The following DPP4 variants were observed in gnomAD, a reference collection of about 807,000 sequenced individuals.
The protein encoded by DPP4 is dipeptidyl peptidase 4.
A neutral mutation model predicts 122.4 loss-of-function variants in DPP4; 93 were observed. The ratio of observed to expected loss-of-function variants is 0.76; its 90% CI spans 0.64 to 0.90. DPP4 has a LOEUF of 0.90. Among genes scored for constraint, DPP4 ranks in the 40% least tolerant of loss-of-function variants. The pLI, the probability that DPP4 is intolerant of heterozygous loss-of-function variation, is 0.00. For missense variants in DPP4, 914 were observed against 907.3 expected, an observed-to-expected ratio of 1.01 and a Z score of -0.09; for synonymous variants, 321 against 302.9, an observed-to-expected ratio of 1.06 and a Z score of -0.62.
At chr2:162,057,924 C>T (rs1263364156) in intron 2 of DPP4, among the ~76,000 whole-genome samples, 2 of 152,136 alleles carry the variant, frequency 1.3e-5, no homozygotes, top group Admixed American at 6.5e-5. Flanking sequence ...AGGCATGTGC[C>T]ACCACACCCA....
intron 16 of DPP4, among the ~76,000 whole-genome samples, chr2:162,018,225 G>A (rs1233089664): frequency 6.6e-6 from 1 of 152,176 alleles, no homozygotes; most frequent in Non-Finnish European, 1.5e-5. Context: ...CTGTTTAAAA[G>A]GGATGGCTCG....
At position 162,019,238 on chromosome 2, in the gene DPP4, C is replaced by T; in HGVS notation, c.1283G>A (p.Gly428Glu). ...GAGCTCTTACTTATAAAGATTCCTT[C>T]CTCCTGGCATTCCTTTATATTCATT... is the stretch of plus-strand genomic sequence containing the variant. Reference protein sequence around the residue: ...ISNEYKGMPGGRNLYKIQLSD... With the variant: ...ISNEYKGMPGERNLYKIQLSD... The change falls in exon 15 of 26, where the codon GGA (glycine) becomes GAA (glutamate). Residue 428 changes from glycine to glutamate, a missense_variant. Physicochemically the swap from Gly to Glu is moderately conservative, Grantham distance 98. Coordinates refer to ENST00000360534, the MANE Select transcript of DPP4 (RefSeq NM_001935.4). The T allele has an allele frequency of 6.3e-7, 1 of 1,597,170 alleles. No individual in the cohort carries two copies. The highest frequency in any genetic ancestry group is 8.6e-7 in the Non-Finnish European group (1 of 1,167,986).
Position 162,072,295 on chromosome 2 carries a change from T to C in DPP4, c.94+1104A>G, listed in dbSNP as rs1447097321. ...AGTTGCTTTATGAAAATAGTTATAT[T>C]TTAACAGTCCACAAGAGTCAAGCTT... is the stretch of plus-strand genomic sequence containing the variant. On this transcript the variant is annotated intron_variant, in intron 2 of 25. Transcript: ENST00000360534. Among the ~76,000 whole-genome samples the C allele has an allele frequency of 3.3e-5, 5 of 152,370 alleles. No individual in the cohort carries two copies. In the East Asian group the frequency reaches 7.7e-4, roughly 23 times the overall value.
chr2:162,008,853 C>T (rs1701349074), intron 21 of DPP4, among the ~76,000 whole-genome samples, 192 bp from the exon 22 acceptor site: 1 of 152,124 alleles, frequency 6.6e-6, no homozygotes, highest in Admixed American at 6.5e-5. Context: ...GCCCTGATCC[C>T]TTTCTTGGTA....
intron 4 of DPP4, among the ~76,000 whole-genome samples, chr2:162,046,487 T>C (rs1011758051): frequency 6.6e-6 from 1 of 152,164 alleles, no homozygotes; most frequent in Non-Finnish European, 1.5e-5. Flanking sequence ...CCAGTTTAGC[T>C]TGGGATTTTG....
At chr2:162,073,901 T>C in intron 1 of DPP4, 75 bp downstream of exon 1, 1 of 1,590,266 alleles carries the variant, frequency 6.3e-7, no homozygotes, top group Non-Finnish European at 8.6e-7. Flanking sequence ...TTTCGCCAGC[T>C]TTTGGGCCAT....
At chr2:162,044,906 G>T (rs1189589156) in intron 5 of DPP4, among the ~76,000 whole-genome samples, 1 of 152,050 alleles carries the variant, frequency 6.6e-6, no homozygotes, top group African/African-American at 2.4e-5. Context: ...CCATCTTGCG[G>T]AATCTTTTCT....
chr2:162,030,971 C>T (rs1231636004), intron 10 of DPP4, among the ~76,000 whole-genome samples: 1 of 152,232 alleles, frequency 6.6e-6, no homozygotes, highest in South Asian at 2.1e-4. Context: ...GAGCCCAGCA[C>T]TTCACACAGC....
At chr2:162,072,764 A>T (rs1429341730) in intron 2 of DPP4, among the ~76,000 whole-genome samples, 1 of 152,208 alleles carries the variant, frequency 6.6e-6, no homozygotes, top group Non-Finnish European at 1.5e-5. Flanking sequence ...AAATAAAAGA[A>T]TCCACCAAAA....
intron 20 of DPP4, 123 bp downstream of exon 20, chr2:162,011,670 G>T: frequency 2.1e-6 from 2 of 938,486 alleles, no homozygotes; most frequent in Non-Finnish European, 3.2e-6. Flanking sequence ...CTACCGTAAG[G>T]ATAAAAGATT....
At chr2:162,017,056 T>C in intron 17 of DPP4, 52 bp downstream of exon 17, 1 of 1,572,288 alleles carries the variant, frequency 6.4e-7, no homozygotes, top group Non-Finnish European at 8.7e-7. Flanking sequence ...ATGTTAGACT[T>C]ATGCAACACA....
At chr2:162,029,301 T>A (rs528719131) in intron 10 of DPP4, among the ~76,000 whole-genome samples, 1 of 152,332 alleles carries the variant, frequency 6.6e-6, no homozygotes, top group South Asian at 2.1e-4. Flanking sequence ...CTGGAAATCA[T>A]ATTGGAGGGA....
At chr2:162,045,689 G>C in intron 4 of DPP4, 77 bp from the exon 5 acceptor site, 1 of 1,051,704 alleles carries the variant, frequency 9.5e-7, no homozygotes, top group East Asian at 2.4e-5. Context: ...TTCATAGGGG[G>C]TACTGTTCTA....
chr2:162,054,415 G>C (rs553587896), intron 2 of DPP4, among the ~76,000 whole-genome samples: 2 of 152,190 alleles, frequency 1.3e-5, no homozygotes, highest in African/African-American at 2.4e-5. Flanking sequence ...GATTTGGGGG[G>C]CTATTAGGAT....
rs1491588211 is a variant in DPP4 at position 162,033,893 on chromosome 2, T to TATATATATATATAC, written c.775-241_775-240insGTATATATATATAT. On this transcript the variant is annotated intron_variant, in intron 9 of 25. Transcript: ENST00000360534. ...ATATATATATATATATATATATATA[T>TATATATATATATAC]ACACACTATATAAAACTTGAAGGTC... 2.8e-3 allele frequency among the ~76,000 whole-genome samples: 384 copies of TATATATATATATAC among 138,418 alleles called. 3 individuals carry two copies. The highest frequency in any genetic ancestry group is 8.9e-3 in the African/African-American group (322 of 36,142). 90.8% of individuals were successfully genotyped at this position (138,418 alleles called of 152,430 possible). A position where few individuals can be genotyped will look rare whatever the true frequency, so the allele number is the denominator to read the frequency against.
At chr2:162,058,488 T>C (rs569867564) in intron 2 of DPP4, among the ~76,000 whole-genome samples, 1 of 152,376 alleles carries the variant, frequency 6.6e-6, no homozygotes, top group East Asian at 1.9e-4. Context: ...CACTTGGTAA[T>C]GCTAACCCCA....
Position 162,017,240 on chromosome 2 carries a change from G to A in DPP4, c.1421-85C>T. The A allele has an allele frequency of 7.9e-6, 9 of 1,143,362 alleles. 1 individual carries two copies. In the South Asian group the frequency reaches 1.3e-4, roughly 16 times the overall value. The allele number at this position is 1,143,362 out of a possible 1,614,324, so 70.8% of individuals were successfully genotyped here. A position where few individuals can be genotyped will look rare whatever the true frequency, so the allele number is the denominator to read the frequency against. On this transcript the variant is annotated intron_variant, in intron 16 of 25. Coordinates refer to ENST00000360534, the MANE Select transcript of DPP4 (RefSeq NM_001935.4). Reference sequence around the variant, plus strand: ...AGATGACTTTTCAAAAATACCATTTGTTACCATTTAACTTTGATAGAATAT... The same window carrying A: ...AGATGACTTTTCAAAAATACCATTTATTACCATTTAACTTTGATAGAATAT...
chr2:162,051,079 T>G (rs543393709), intron 2 of DPP4, among the ~76,000 whole-genome samples: 2 of 152,242 alleles, frequency 1.3e-5, no homozygotes, highest in South Asian at 4.1e-4. Flanking sequence ...AAAATATAGA[T>G]TTATAATTTT....
chr2:162,041,688 A>G (rs1208553130), intron 5 of DPP4, among the ~76,000 whole-genome samples: 1 of 152,178 alleles, frequency 6.6e-6, no homozygotes, highest in Non-Finnish European at 1.5e-5. Flanking sequence ...AAAACTATTA[A>G]GATGGATTGA....
Sources: allele counts gnomAD v4.1 joint callset (sites outside exome capture counted in the v4.1 genomes callset), GRCh38; gene constraint gnomAD v4.1.1; transcripts MANE v1.5; gene names NCBI Gene and HGNC (gene_info 2026-07-23, HGNC 2026-07-21).